Variants in TOX observed in about 807,000 individuals in gnomAD.
TOX encodes the protein thymocyte selection associated high mobility group box.
TOX carries 11 observed loss-of-function variants against 53.7 expected under a neutral mutation model. The ratio of observed to expected loss-of-function variants is 0.20; its 90% CI spans 0.13 to 0.34. The LOEUF is 0.34. Ranked by LOEUF, TOX falls within the 10% of genes least tolerant of loss-of-function variation. TOX has a pLI of 1.00. For missense variants in TOX, 570 were observed against 664.6 expected (o/e 0.86, Z 1.56); for synonymous variants, 225 against 245.3 (o/e 0.92, Z 0.77).
intron 2 of TOX, among the ~76,000 whole-genome samples, chr8:58,944,361 G>T (rs1462115285): frequency 1.3e-5 from 2 of 152,204 alleles, no homozygotes; most frequent in African/African-American, 4.8e-5. Flanking sequence ...AACCTCAAGA[G>T]TATTTCTATG....
chr8:58,993,751 C>T (rs549651252), intron 1 of TOX, among the ~76,000 whole-genome samples: 2 of 152,118 alleles, frequency 1.3e-5, no homozygotes, highest in South Asian at 2.1e-4. Flanking sequence ...AGATGACAGA[C>T]CTTTACTCTT....
chr8:59,001,265 G>C (rs762844998), intron 1 of TOX, among the ~76,000 whole-genome samples: 3 of 152,142 alleles, frequency 2.0e-5, no homozygotes, highest in Non-Finnish European at 4.4e-5. Flanking sequence ...ACATCAAAGA[G>C]GTGACAACAG....
chr8:58,819,145 C>T (rs961328016), intron 6 of TOX, among the ~76,000 whole-genome samples: 13 of 152,118 alleles, frequency 8.5e-5, no homozygotes, highest in African/African-American at 3.1e-4. Context: ...TCATAATGTA[C>T]TCTTACTGTC....
Position 58,939,334 on chromosome 8 carries a change from C to T in TOX, c.379G>A (p.Asp127Asn), listed in dbSNP as rs1485478154. ...EITVSNMLGQ[D>N]GTLLSNSISV... Reference sequence around the variant, plus strand: ...ATGGAATTAGAAAGCAGTGTTCCATCCTGGCCCAGCATATTGGAGACTGTG... The same window carrying T: ...ATGGAATTAGAAAGCAGTGTTCCATTCTGGCCCAGCATATTGGAGACTGTG... The change falls in exon 3 of 9, where the codon GAT becomes AAT. Residue 127 changes from aspartate to asparagine, a missense_variant. By Grantham distance (23) the Asp-to-Asn change is conservative. Coordinates refer to ENST00000361421, the MANE Select transcript of TOX (RefSeq NM_014729.3). 1.2e-6 allele frequency: 2 copies of T among 1,614,068 alleles called. No individual in the cohort carries two copies. The highest frequency in any genetic ancestry group is 2.2e-5 in the South Asian group (2 of 91,072).
rs572261722 is a variant in TOX, at chr8:59,063,581, G to A, written c.102+55305C>T. Among the ~76,000 whole-genome samples the A allele has an allele frequency of 2.0e-3, 307 of 151,870 alleles. 2 individuals are homozygous for A. Among genetic ancestry groups the A allele is most frequent in the Non-Finnish European group, 2.7e-3 (183 of 67,958 alleles). ...TGGAACTACAGGTGCATGCCACCAC[G>A]CCGGGCTAATTTTTTATATTTTTAG... On this transcript the variant is annotated intron_variant, in intron 1 of 8. Coordinates refer to ENST00000361421, the MANE Select transcript of TOX (RefSeq NM_014729.3).
In TOX at chr8:58,939,556, C is replaced by A. The variant is rs1221927370; in HGVS notation, c.169-12G>T. The A allele has an allele frequency of 8.2e-6, 13 of 1,595,044 alleles. No homozygotes were observed. The highest frequency in any genetic ancestry group is 1.1e-5 in the Non-Finnish European group (13 of 1,168,434). ...GGACCAGGGTAGGACTGTGAAAAGA[C>A]AAAAGTGACATTGTTGCAAATTATC... On this transcript the variant is annotated splice_polypyrimidine_tract_variant and intron_variant, in intron 2 of 8. Coordinates refer to ENST00000361421, the MANE Select transcript of TOX (RefSeq NM_014729.3).
chr8:59,053,798 T>C lies in TOX; in HGVS notation c.102+65088A>G, dbSNP rs1803836769. 2.0e-5 allele frequency among the ~76,000 whole-genome samples: 3 copies of C among 152,156 alleles called. 1 individual carries two copies. Among genetic ancestry groups the C allele is most frequent in the South Asian group, 4.1e-4 (2 of 4,828 alleles). On this transcript the variant is annotated intron_variant, in intron 1 of 8. Coordinates refer to ENST00000361421, the MANE Select transcript of TOX (RefSeq NM_014729.3). ...CATTTAAAAGGGAAAAAAAGGAGAATTGTCTAATGTTTTAATGTCACTTTT... is the reference window on the plus strand; with the variant it reads ...CATTTAAAAGGGAAAAAAAGGAGAACTGTCTAATGTTTTAATGTCACTTTT...
chr8:59,038,631 G>T (rs1803514107), intron 1 of TOX, among the ~76,000 whole-genome samples: 1 of 152,124 alleles, frequency 6.6e-6, no homozygotes, highest in African/African-American at 2.4e-5. Flanking sequence ...AATTATATTA[G>T]AATTTTCAAG....
At chr8:59,039,354 G>A (rs927877531) in intron 1 of TOX, among the ~76,000 whole-genome samples, 2 of 152,176 alleles carry the variant, frequency 1.3e-5, no homozygotes, top group African/African-American at 4.8e-5. Flanking sequence ...TAAAAACTGT[G>A]TATGAAGTGG....
intron 6 of TOX, among the ~76,000 whole-genome samples, chr8:58,823,709 G>C (rs993196688): frequency 1.8e-4 from 27 of 152,276 alleles, no homozygotes; most frequent in Middle Eastern, 3.4e-3. Context: ...ACTTGGATCT[G>C]CTATATACAT....
At chr8:58,849,934 G>A (rs1448502168) in intron 4 of TOX, among the ~76,000 whole-genome samples, 2 of 152,098 alleles carry the variant, frequency 1.3e-5, no homozygotes, top group Admixed American at 6.6e-5. Flanking sequence ...GCCATTAGGT[G>A]TAATCTAACA....
chr8:59,072,579 C>T (rs576593192), intron 1 of TOX, among the ~76,000 whole-genome samples: 1 of 152,306 alleles, frequency 6.6e-6, no homozygotes, highest in African/African-American at 2.4e-5. Flanking sequence ...TATTTAGTAT[C>T]TTCCCCTGAA....
At chr8:59,081,875 C>G (rs1171162453) in intron 1 of TOX, among the ~76,000 whole-genome samples, 1 of 152,166 alleles carries the variant, frequency 6.6e-6, no homozygotes, top group African/African-American at 2.4e-5. Flanking sequence ...GCAGACTTCC[C>G]TAGCTACTGT....
At chr8:58,982,533 C>T (rs1400568145) in intron 1 of TOX, among the ~76,000 whole-genome samples, 1 of 152,208 alleles carries the variant, frequency 6.6e-6, no homozygotes, top group Admixed American at 6.5e-5. Flanking sequence ...ATGACTCACA[C>T]TCCTTAGTCA....
chr8:59,115,148 C>T (rs1563451171), intron 1 of TOX, among the ~76,000 whole-genome samples: 1 of 152,064 alleles, frequency 6.6e-6, no homozygotes, highest in East Asian at 1.9e-4. Flanking sequence ...AGATTCAGGA[C>T]ATGATTCCAT....
At chr8:58,960,530 T>C (rs1021030274) in intron 1 of TOX, among the ~76,000 whole-genome samples, 1 of 152,182 alleles carries the variant, frequency 6.6e-6, no homozygotes, top group Non-Finnish European at 1.5e-5. Context: ...AACTTTATAA[T>C]AATATTTGAA....
intron 3 of TOX, among the ~76,000 whole-genome samples, chr8:58,928,089 G>T (rs1421640098): frequency 6.6e-6 from 1 of 152,200 alleles, no homozygotes; most frequent in Non-Finnish European, 1.5e-5. Context: ...TTTAATATAT[G>T]TAACCCAAGT....
chr8:59,078,049 C>A (rs1053868082), intron 1 of TOX, among the ~76,000 whole-genome samples: 2 of 152,150 alleles, frequency 1.3e-5, no homozygotes, highest in African/African-American at 2.4e-5. Context: ...ATTATCCATA[C>A]AAACAGCTAC....
At chr8:59,099,952 G>A (rs1804777017) in intron 1 of TOX, among the ~76,000 whole-genome samples, 1 of 151,880 alleles carries the variant, frequency 6.6e-6, no homozygotes, top group African/African-American at 2.4e-5. Flanking sequence ...TCCTGATTTT[G>A]TCATTAAATG....
Sources: gnomAD v4.1 joint callset for allele counts (sites outside exome capture counted in the v4.1 genomes callset) on GRCh38, gnomAD v4.1.1 for gene constraint, MANE v1.5 for transcripts, NCBI Gene and HGNC (gene_info 2026-07-23, HGNC 2026-07-21) for gene names.